GPR63: variants seen among roughly 807,000 people sequenced by gnomAD.
The protein encoded by GPR63 is probable G protein-coupled receptor 63.
In GPR63, 12 loss-of-function variants were observed where a neutral mutation model predicts 23.1. That is an observed-to-expected ratio of 0.52 (90% CI 0.33 to 0.84). The LOEUF is 0.84. GPR63 is among the 40% of genes least tolerant of loss of function. GPR63 has a pLI of 0.02. For synonymous variants in GPR63, 172 were observed against 191.1 expected, an observed-to-expected ratio of 0.90 and a Z score of 0.82; for missense variants, 472 against 515.6, an observed-to-expected ratio of 0.92 and a Z score of 0.82.
intron 1 of GPR63, among the ~76,000 whole-genome samples, chr6:96,822,967 C>G (rs890158153): frequency 3.3e-5 from 5 of 152,098 alleles, no homozygotes; most frequent in African/African-American, 9.7e-5. Context: ...TATAATGGAG[C>G]TGAAAAATTC....
intron 1 of GPR63, among the ~76,000 whole-genome samples, chr6:96,817,122 A>G (rs1210047958): frequency 6.6e-6 from 1 of 152,194 alleles, no homozygotes; most frequent in African/African-American, 2.4e-5. Context: ...GAATATATAT[A>G]TTTAAATGGC....
Position 96,798,803 on chromosome 6 carries a change from G to A in GPR63, c.929C>T (p.Thr310Ile). ...FQMSIDMGFK[T>I]RAFTTILILF... ...AATCAAAATAGTGGTGAAGGCACGT[G>A]TTTTAAAGCCCATGTCAATGCTCAT... Residue 310 changes from threonine (T) to isoleucine (I), a missense_variant, in exon 2 of 2, where the codon ACA becomes ATA. By Grantham distance (89) the Thr-to-Ile change is moderately conservative. Coordinates refer to ENST00000229955, the MANE Select transcript of GPR63 (RefSeq NM_030784.4). 6.2e-7 allele frequency: 1 copy of A among 1,614,180 alleles called. No homozygotes were observed. The highest frequency in any genetic ancestry group is 1.1e-5 in the South Asian group (1 of 91,086).
chr6:96,799,754 C>A lies in GPR63; in HGVS notation c.-23G>T. 2 of 1,613,516 alleles carry A rather than the reference C, an allele frequency of 1.2e-6. No homozygotes were observed. Among genetic ancestry groups the A allele is most frequent in the South Asian group, 1.1e-5 (1 of 91,080 alleles). On this transcript the variant is annotated 5_prime_UTR_variant, in exon 2 of 2. Coordinates refer to ENST00000229955, the MANE Select transcript of GPR63 (RefSeq NM_030784.4). The stretch of plus-strand genomic sequence containing the variant: ...CATGGTTTCAGTAGGATGGAAGATG[C>A]AAGCAGAGATGCAGGAGTTCTTCAA...
Position 96,798,570 on chromosome 6 carries a change from T to C in GPR63, c.1162A>G (p.Lys388Glu). 6.2e-7 allele frequency: 1 copy of C among 1,614,196 alleles called. No homozygotes were observed. Among genetic ancestry groups the C allele is most frequent in the Non-Finnish European group, 8.5e-7 (1 of 1,180,030 alleles). Residue 388 changes from lysine (K) to glutamate (E), a missense_variant, in exon 2 of 2, where the codon AAG (lysine) becomes GAG (glutamate). Transcript: ENST00000229955. The stretch of plus-strand genomic sequence containing the variant: ...AGCTGCGGCAAAAACTTGAAGGACT[T>C]AGGCATCATGTCCAGGCAAGCATCA... ...FHDACLDMMP[K>E]SFKFLPQLPG...
At position 96,799,380 on chromosome 6, in the gene GPR63, T is replaced by G. The variant is rs1773694980; in HGVS notation, c.352A>C (p.Ile118Leu). Residue 118 changes from isoleucine to leucine, a missense_variant, in exon 2 of 2, where the codon ATC (isoleucine) becomes CTC (leucine). Physicochemically the swap from Ile to Leu is conservative, Grantham distance 5. Coordinates refer to ENST00000229955, the MANE Select transcript of GPR63 (RefSeq NM_030784.4). ...GCAAAAGCTAGGCTGGCAAGGAGGATGTTAATTGCAGACCTCATGGCAGCT... is the reference window on the plus strand; with the variant it reads ...GCAAAAGCTAGGCTGGCAAGGAGGAGGTTAATTGCAGACCTCATGGCAGCT... ...QKAAMRSAIN[I>L]LLASLAFADM... The G allele has an allele frequency of 6.2e-7, 1 of 1,614,156 alleles. No individual in the cohort carries two copies. Among genetic ancestry groups the G allele is most frequent in the Non-Finnish European group, 8.5e-7 (1 of 1,180,022 alleles).
chr6:96,800,211 A>G (rs1177467320), intron 1 of GPR63, among the ~76,000 whole-genome samples: 3 of 152,218 alleles, frequency 2.0e-5, no homozygotes, highest in Admixed American at 2.0e-4. Flanking sequence ...TGTTAATTTT[A>G]ATTTTCATGC....
chr6:96,817,059 A>T (rs1774182438), intron 1 of GPR63, among the ~76,000 whole-genome samples: 1 of 152,244 alleles, frequency 6.6e-6, no homozygotes, highest in African/African-American at 2.4e-5. Flanking sequence ...CAGAAAGGCA[A>T]GCCAAAAGGC....
chr6:96,829,411 G>C (rs1019445418), intron 1 of GPR63, among the ~76,000 whole-genome samples: 3 of 152,144 alleles, frequency 2.0e-5, no homozygotes, highest in Non-Finnish European at 4.4e-5. Flanking sequence ...AAAATACTTA[G>C]GACAGGCACG....
At chr6:96,817,642 T>C (rs1774197105) in intron 1 of GPR63, among the ~76,000 whole-genome samples, 1 of 152,138 alleles carries the variant, frequency 6.6e-6, no homozygotes, top group South Asian at 2.1e-4. Context: ...ATTCATATAA[T>C]CAAATACTAC....
intron 1 of GPR63, among the ~76,000 whole-genome samples, chr6:96,819,194 A>T (rs1276263450): frequency 6.6e-6 from 1 of 152,236 alleles, no homozygotes; most frequent in African/African-American, 2.4e-5. Flanking sequence ...ATTATAAATT[A>T]TTCTGCTATA....
At chr6:96,822,290 C>G (rs1037273108) in intron 1 of GPR63, among the ~76,000 whole-genome samples, 1 of 151,952 alleles carries the variant, frequency 6.6e-6, no homozygotes, top group African/African-American at 2.4e-5. Flanking sequence ...TTGACTCATC[C>G]TCAAAAAAAA....
intron 1 of GPR63, among the ~76,000 whole-genome samples, chr6:96,827,733 CAATGA>C (rs753393543): frequency 6.6e-5 from 10 of 151,992 alleles, no homozygotes; most frequent in Admixed American, 3.3e-4. Context: ...ATTCAGAAGA[CAATGA>C]AATGATATTT....
intron 1 of GPR63, among the ~76,000 whole-genome samples, chr6:96,832,794 T>TA (rs35478941): frequency 0.29 from 42,236 of 147,856 alleles, 5,919 homozygotes; most frequent in South Asian, 0.31. Context: ...AAATACAAGT[T>TA]AAAAAAAAAA....
At chr6:96,825,782 C>T (rs1774424511) in intron 1 of GPR63, among the ~76,000 whole-genome samples, 1 of 151,946 alleles carries the variant, frequency 6.6e-6, no homozygotes, top group Non-Finnish European at 1.5e-5. Context: ...AATAATCAAG[C>T]TAATTACCTT....
chr6:96,835,837 A>T (rs1186368757), intron 1 of GPR63, among the ~76,000 whole-genome samples: 1 of 152,192 alleles, frequency 6.6e-6, no homozygotes. Context: ...AAAACTTCCC[A>T]TTACAAACAA....
At chr6:96,827,121 A>G (rs563636681) in intron 1 of GPR63, among the ~76,000 whole-genome samples, 2 of 151,980 alleles carry the variant, frequency 1.3e-5, no homozygotes, top group South Asian at 4.2e-4. Context: ...GGCAAGGGGA[A>G]AAAAAGACAA....
At chr6:96,832,453 T>TTACTTTTA (rs1774612054) in intron 1 of GPR63, among the ~76,000 whole-genome samples, 1 of 151,744 alleles carries the variant, frequency 6.6e-6, no homozygotes, top group Non-Finnish European at 1.5e-5. Flanking sequence ...TTTTACTTTT[T>TTACTTTTA]GGAGAGACGG....
Position 96,795,086 on chromosome 6 carries a change from C to A in GPR63, c.*3386G>T, listed in dbSNP as rs1436890437. The A allele has an allele frequency of 1.3e-5, 2 of 152,132 alleles. No homozygotes were observed. The highest frequency in any genetic ancestry group is 2.4e-5 in the African/African-American group (1 of 41,428). The allele number at this position is 152,132 out of a possible 1,614,324, so 9.4% of individuals were successfully genotyped here. The stretch of plus-strand genomic sequence containing the variant: ...CTGAGCCAGAGTCAGGCAGAGTGCT[C>A]AATAAAATAAAAATGCACATTCCTG... On this transcript the variant is annotated 3_prime_UTR_variant, in exon 2 of 2. Coordinates refer to ENST00000229955, the MANE Select transcript of GPR63 (RefSeq NM_030784.4).
chr6:96,824,108 T>G (rs1774375863), intron 1 of GPR63, among the ~76,000 whole-genome samples: 2 of 152,150 alleles, frequency 1.3e-5, no homozygotes, highest in African/African-American at 4.8e-5. Context: ...GACTAGTGTA[T>G]TTTAGTCTTG....
Sources: allele counts gnomAD v4.1 joint callset (sites outside exome capture counted in the v4.1 genomes callset), GRCh38; gene constraint gnomAD v4.1.1; transcripts MANE v1.5; gene names NCBI Gene and HGNC (gene_info 2026-07-23, HGNC 2026-07-21).